The following MICU1 variants were observed in gnomAD, a reference collection of about 807,000 sequenced individuals.
The protein encoded by MICU1 is mitochondrial calcium uptake 1.
MICU1 carries 45 observed loss-of-function variants against 56.8 expected under a neutral mutation model. The observed-to-expected ratio is 0.79, with a 90% CI of 0.62 to 1.02. The LOEUF (loss-of-function observed/expected upper bound fraction) is 1.02. MICU1 is among the 50% of genes least tolerant of loss of function. The pLI is 0.00. For missense variants in MICU1, 504 were observed against 587.1 expected (o/e 0.86, Z 1.46); for synonymous variants, 186 against 195.1 (o/e 0.95, Z 0.39).
chr10:72,587,804 C>G (rs1322369988), intron 1 of MICU1, among the ~76,000 whole-genome samples: 4 of 151,668 alleles, frequency 2.6e-5, no homozygotes, highest in Non-Finnish European at 2.9e-5. Flanking sequence ...ATAAATAAAA[C>G]AAATAAATAA....
At chr10:72,384,929 C>T (rs1252432984) in intron 10 of MICU1, among the ~76,000 whole-genome samples, 1 of 152,022 alleles carries the variant, frequency 6.6e-6, no homozygotes, top group East Asian at 1.9e-4. Flanking sequence ...AGCTTTTTTC[C>T]TGTTGTAATC....
At chr10:72,461,006 C>G (rs537667243) in intron 8 of MICU1, among the ~76,000 whole-genome samples, 1 of 152,000 alleles carries the variant, frequency 6.6e-6, no homozygotes, top group Non-Finnish European at 1.5e-5. Context: ...ACTCAGACAC[C>G]GTGGACATCA....
At chr10:72,568,753 T>C (rs34614713) in intron 1 of MICU1, among the ~76,000 whole-genome samples, 1 of 138,832 alleles carries the variant, frequency 7.2e-6, no homozygotes, top group African/African-American at 2.7e-5. Context: ...TATTCTTTTT[T>C]TTTTTTTTTT....
Position 72,475,282 on chromosome 10 carries a change from G to A in MICU1, c.751C>T (p.Arg251Cys), listed in dbSNP as rs756120955. 11 of 1,604,260 alleles carry A rather than the reference G, an allele frequency of 6.9e-6. No individual in the cohort carries two copies. The highest frequency in any genetic ancestry group is 6.7e-5 in the African/African-American group (5 of 74,798). The change falls in exon 8 of 12, where the codon CGC becomes TGC. Residue 251 changes from arginine to cysteine, a missense_variant. Transcript: ENST00000361114. ...EEFEQVQSIIRSQTSMGMRHR... is the reference protein window; with the variant it reads ...EEFEQVQSIICSQTSMGMRHR... ...CGCATACCCATACTGGTTTGGGAGC[G>A]AATGATGCTCTGAACCTAATACAGA... is the stretch of plus-strand genomic sequence containing the variant.
At chr10:72,615,195 G>A (rs755652880) in intron 1 of MICU1, among the ~76,000 whole-genome samples, 5 of 152,222 alleles carry the variant, frequency 3.3e-5, no homozygotes, top group East Asian at 3.9e-4. Flanking sequence ...TTGGCTCACC[G>A]CAACCTCTGC....
chr10:72,563,023 T>C lies in MICU1; in HGVS notation c.202A>G (p.Ser68Gly). Residue 68 changes from serine to glycine, a missense_variant, in exon 3 of 12, where the codon AGT (serine) becomes GGT (glycine). Physicochemically the swap from Ser to Gly is moderately conservative, Grantham distance 56 (BLOSUM62 0). Transcript: ENST00000361114. The part of the protein sequence containing the change: ...ESPPCVDNLK[S>G]DIGDKGKNKD... ...TTCTTCCCTTTATCACCGATGTCAC[T>C]TTTTAGGTTGTCTACACATGGTGGA... 1 of 1,601,542 alleles carries C rather than the reference T, an allele frequency of 6.2e-7. No homozygotes were observed. The highest frequency in any genetic ancestry group is 8.5e-7 in the Non-Finnish European group (1 of 1,174,768).
At chr10:72,562,870 C>T (rs1177410241) in intron 3 of MICU1, 25 bp downstream of exon 3, 2 of 1,523,224 alleles carry the variant, frequency 1.3e-6, no homozygotes, top group Non-Finnish European at 1.8e-6. Flanking sequence ...TACTTCTGAT[C>T]AACTTATAAG....
At chr10:72,400,205 C>A (rs1006731038) in intron 10 of MICU1, among the ~76,000 whole-genome samples, 1 of 152,080 alleles carries the variant, frequency 6.6e-6, no homozygotes, top group African/African-American at 2.4e-5. Context: ...GACTACAAAT[C>A]CCAGCAAAAG....
intron 10 of MICU1, among the ~76,000 whole-genome samples, chr10:72,403,315 G>A (rs1429819540): frequency 3.3e-5 from 5 of 152,004 alleles, no homozygotes; most frequent in South Asian, 4.2e-4. Flanking sequence ...CCGAGATCAC[G>A]CCACTGCACT....
chr10:72,558,038 T>G lies in MICU1; in HGVS notation c.330+4857A>C, dbSNP rs575967295. Among the ~76,000 whole-genome samples, 9 of 152,298 alleles carry G rather than the reference T, an allele frequency of 5.9e-5. No homozygotes were observed. In the South Asian group the frequency reaches 1.4e-3, roughly 25 times the overall value. On this transcript the variant is annotated intron_variant, in intron 3 of 11. Transcript: ENST00000361114. ...CTAAACATAGTCTCAATCAAACAAA[T>G]AGCTCAGAAACAACAATGCAGGCAA...
intron 2 of MICU1, among the ~76,000 whole-genome samples, chr10:72,563,921 G>T (rs1037730504): frequency 6.6e-6 from 1 of 152,126 alleles, no homozygotes; most frequent in Non-Finnish European, 1.5e-5. Context: ...TGGTTAAGAT[G>T]TAAGTTTTAT....
chr10:72,498,213 CA>C (rs1294481368), intron 6 of MICU1, among the ~76,000 whole-genome samples: 16 of 152,288 alleles, frequency 1.1e-4, no homozygotes, highest in Admixed American at 3.9e-4. Flanking sequence ...TTCTAGAAGG[CA>C]GAAAATTTAG....
At chr10:72,368,861 G>T (rs902746827) in intron 11 of MICU1, among the ~76,000 whole-genome samples, 12 of 152,164 alleles carry the variant, frequency 7.9e-5, no homozygotes, top group African/African-American at 2.9e-4. Context: ...AGGCATTCCA[G>T]GGAGGAGAAG....
At chr10:72,574,616 A>G (rs1783320826) in intron 1 of MICU1, among the ~76,000 whole-genome samples, 1 of 152,214 alleles carries the variant, frequency 6.6e-6, no homozygotes, top group Non-Finnish European at 1.5e-5. Flanking sequence ...TTTGTGTGGC[A>G]CAAGCAAGAA....
At chr10:72,512,932 T>C (rs1196647933) in intron 5 of MICU1, among the ~76,000 whole-genome samples, 1 of 152,080 alleles carries the variant, frequency 6.6e-6, no homozygotes, top group African/African-American at 2.4e-5. Context: ...CTTGAACTCC[T>C]GGAGTTAAGC....
At chr10:72,491,629 A>C (rs1866657383) in intron 6 of MICU1, among the ~76,000 whole-genome samples, 1 of 152,182 alleles carries the variant, frequency 6.6e-6, no homozygotes, top group African/African-American at 2.4e-5. Flanking sequence ...CAGGTGGATC[A>C]CTTCAGGCCC....
At chr10:72,456,980 TGTGTGTTTTG>T (rs1269975738) in intron 8 of MICU1, among the ~76,000 whole-genome samples, 395 of 151,164 alleles carry the variant, frequency 2.6e-3, no homozygotes, top group African/African-American at 9.2e-3. Flanking sequence ...TGTGTGTGTG[TGTGTGTTTTG>T]TTTGTTTGTT....
rs147543714 is a variant in MICU1, at chr10:72,568,902, G to A, written c.-1-2108C>T. ...TGGGTAGCTGGGATTACAGGCACAC[G>A]ACAACCACACCTGGCTAATTTTTGT... On this transcript the variant is annotated intron_variant, in intron 1 of 11. Coordinates refer to ENST00000361114, the MANE Select transcript of MICU1 (RefSeq NM_001195518.2). Among the ~76,000 whole-genome samples, 555 of 150,050 alleles carry A rather than the reference G, an allele frequency of 3.7e-3. 3 individuals carry two copies. Among genetic ancestry groups the A allele is most frequent in the Non-Finnish European group, 6.4e-3 (435 of 67,464 alleles).
chr10:72,600,648 CAA>C (rs71021514), intron 1 of MICU1, among the ~76,000 whole-genome samples: 9 of 105,586 alleles, frequency 8.5e-5, no homozygotes, highest in Admixed American at 2.2e-4. Flanking sequence ...GACTCCGTCT[CAA>C]AAAAAAAAAA....
Sources: gnomAD v4.1 joint callset for allele counts (sites outside exome capture counted in the v4.1 genomes callset) on GRCh38, gnomAD v4.1.1 for gene constraint, MANE v1.5 for transcripts, NCBI Gene and HGNC (gene_info 2026-07-23, HGNC 2026-07-21) for gene names.